Variants in KCNH1 observed in about 807,000 individuals in gnomAD.
The protein encoded by KCNH1 is potassium voltage-gated channel subfamily H member 1.
In KCNH1, 27 loss-of-function variants were observed where a neutral mutation model predicts 69.2. The observed-to-expected ratio is 0.39, with a 90% CI of 0.29 to 0.54. The LOEUF is 0.54. Ranked by LOEUF, KCNH1 falls within the 20% of genes least tolerant of loss-of-function variation. The pLI, the probability that KCNH1 is intolerant of heterozygous loss-of-function variation, is 0.68. For missense variants in KCNH1, 798 were observed against 1,261.6 expected (o/e 0.63, Z 5.57); for synonymous variants, 456 against 487.7 (o/e 0.93, Z 0.86).
intron 3 of KCNH1, among the ~76,000 whole-genome samples, chr1:211,093,459 T>C (rs1691091469): frequency 6.6e-6 from 1 of 152,142 alleles, no homozygotes. Context: ...CTAATTTTTG[T>C]ATTTTTGGTA....
chr1:211,082,553 G>A (rs1690877172), intron 5 of KCNH1, among the ~76,000 whole-genome samples: 1 of 152,184 alleles, frequency 6.6e-6, no homozygotes. Flanking sequence ...CAAGCAAGCT[G>A]AAACAGAGCT....
intron 6 of KCNH1, among the ~76,000 whole-genome samples, chr1:210,998,418 T>C (rs7543773): frequency 0.92 from 140,511 of 152,254 alleles, 65,037 homozygotes; most frequent in East Asian, 1. Context: ...ACAAAGAAGG[T>C]CATTACATAA....
chr1:210,826,982 A>C (rs2102433734), intron 7 of KCNH1, among the ~76,000 whole-genome samples: 1 of 152,332 alleles, frequency 6.6e-6, no homozygotes, highest in South Asian at 2.1e-4. Flanking sequence ...AGTTTCTTAA[A>C]CCTGGACTGA....
chr1:210,935,975 C>T (rs1048790575), intron 6 of KCNH1, among the ~76,000 whole-genome samples: 1 of 152,196 alleles, frequency 6.6e-6, no homozygotes, highest in African/African-American at 2.4e-5. Context: ...TTGGGCTTTA[C>T]ATTGTCTTCT....
Position 211,018,872 on chromosome 1 carries a change from C to T in KCNH1, c.943G>A (p.Val315Met), listed in dbSNP as rs769601481. 1.4e-5 allele frequency: 22 copies of T among 1,613,960 alleles called. No individual in the cohort carries two copies. The highest frequency in any genetic ancestry group is 2.7e-5 in the African/African-American group (2 of 74,904). ...PYDVINAFEN[V>M]DEVSAFMGDP... is the part of the protein sequence containing the mutation. Reference sequence around the variant, plus strand: ...CCCATAAAGGCACTAACCTCATCCACGTTCTCAAAAGCGTTGATGACATCA... The same window carrying T: ...CCCATAAAGGCACTAACCTCATCCATGTTCTCAAAAGCGTTGATGACATCA... Residue 315 changes from valine to methionine, a missense_variant, in exon 6 of 11, where the codon GTG becomes ATG. Physicochemically the swap from Val to Met is conservative, Grantham distance 21 (BLOSUM62 1). Transcript: ENST00000271751.
At chr1:210,854,958 G>C (rs1227734838) in intron 7 of KCNH1, among the ~76,000 whole-genome samples, 2 of 152,194 alleles carry the variant, frequency 1.3e-5, no homozygotes, top group African/African-American at 4.8e-5. Context: ...TCAGACAATA[G>C]AGGTTTAGCT....
At chr1:210,820,665 C>A (rs762131680) in intron 7 of KCNH1, among the ~76,000 whole-genome samples, 2 of 151,966 alleles carry the variant, frequency 1.3e-5, no homozygotes. Flanking sequence ...AGGAACTTTG[C>A]GGATTGATTA....
At chr1:211,039,419 C>T (rs992722317) in intron 5 of KCNH1, among the ~76,000 whole-genome samples, 2 of 152,166 alleles carry the variant, frequency 1.3e-5, no homozygotes, top group African/African-American at 4.8e-5. Flanking sequence ...TACTGGGGCA[C>T]TGCCTAGTGG....
intron 5 of KCNH1, among the ~76,000 whole-genome samples, chr1:211,040,008 T>C (rs974892656): frequency 6.6e-6 from 1 of 151,976 alleles, no homozygotes; most frequent in African/African-American, 2.4e-5. Context: ...GCTAACACAG[T>C]GAAACCCCGT....
rs1682016816 is a variant in KCNH1 at position 210,709,733 on chromosome 1, A to C, written c.2113-25595T>G. Among the ~76,000 whole-genome samples the C allele has an allele frequency of 4.6e-5, 6 of 130,212 alleles. No individual in the cohort carries two copies. The Admixed American group carries it at 4.7e-4, about 10-fold the overall frequency. The allele number at this position is 130,212 out of a possible 152,430, so 85.4% of individuals were successfully genotyped here. ...AGAAAGAAAGAAAGAAGAGAGAGAG[A>C]GAGAGAGAAAGAGAGAGAGAGAGAG... is the stretch of plus-strand genomic sequence containing the variant. On this transcript the variant is annotated intron_variant, in intron 10 of 10. Transcript: ENST00000271751.
intron 7 of KCNH1, among the ~76,000 whole-genome samples, chr1:210,897,453 C>T (rs562095064): frequency 4.6e-5 from 7 of 152,278 alleles, no homozygotes; most frequent in Non-Finnish European, 7.3e-5. Context: ...ACTGCCTTCA[C>T]CTCAAACATC....
rs1010914087 is a variant in KCNH1 at position 210,681,749 on chromosome 1, C to T, written c.*1532G>A. Reference sequence around the variant, plus strand: ...CTCCCTGGATAAGTCCATGCTGTCACCTGTACTCCTAATTCCATTCCCTCC... The same window carrying T: ...CTCCCTGGATAAGTCCATGCTGTCATCTGTACTCCTAATTCCATTCCCTCC... On this transcript the variant is annotated 3_prime_UTR_variant, in exon 11 of 11. Coordinates refer to ENST00000271751, the MANE Select transcript of KCNH1 (RefSeq NM_172362.3). 6 of 152,254 alleles carry T rather than the reference C, an allele frequency of 3.9e-5. No homozygotes were observed. The highest frequency in any genetic ancestry group is 5.9e-5 in the Non-Finnish European group (4 of 68,080). The allele number at this position is 152,254 out of a possible 1,614,324, so 9.4% of individuals were successfully genotyped here.
chr1:210,713,606 C>T (rs1682132936), intron 10 of KCNH1, among the ~76,000 whole-genome samples: 1 of 152,110 alleles, frequency 6.6e-6, no homozygotes, highest in African/African-American at 2.4e-5. Flanking sequence ...ATAGAGGTGT[C>T]AGGGGTTAGG....
chr1:210,843,375 T>G (rs1315190510), intron 7 of KCNH1, among the ~76,000 whole-genome samples: 5 of 152,172 alleles, frequency 3.3e-5, no homozygotes, highest in Non-Finnish European at 5.9e-5. Flanking sequence ...ATTAAGAAAC[T>G]AACCACTAAT....
intron 10 of KCNH1, among the ~76,000 whole-genome samples, chr1:210,753,839 C>A (rs2102341040): frequency 6.6e-6 from 1 of 152,124 alleles, no homozygotes; most frequent in South Asian, 2.1e-4. Context: ...TGCAAACATA[C>A]ACAAAGAACA....
chr1:210,695,163 G>A (rs143895435), intron 10 of KCNH1, among the ~76,000 whole-genome samples: 158 of 152,326 alleles, frequency 1.0e-3, no homozygotes, highest in Middle Eastern at 3.4e-3. Context: ...AGGCCATGAC[G>A]CCACTCTCCT....
intron 7 of KCNH1, among the ~76,000 whole-genome samples, chr1:210,824,744 T>C (rs565939567): frequency 6.6e-6 from 1 of 152,330 alleles, no homozygotes; most frequent in African/African-American, 2.4e-5. Context: ...GATAATACCT[T>C]ACAGTTTAGT....
chr1:211,058,219 T>C (rs1690350818), intron 5 of KCNH1, among the ~76,000 whole-genome samples: 1 of 151,322 alleles, frequency 6.6e-6, no homozygotes, highest in Non-Finnish European at 1.5e-5. Context: ...CTAAAGAGAG[T>C]CCTTCAGTCT....
chr1:211,042,654 C>G (rs1451550243), intron 5 of KCNH1, among the ~76,000 whole-genome samples: 1 of 152,158 alleles, frequency 6.6e-6, no homozygotes, highest in African/African-American at 2.4e-5. Context: ...TACCCAACAA[C>G]CACAGAATTT....
Sources: allele counts gnomAD v4.1 joint callset (sites outside exome capture counted in the v4.1 genomes callset), GRCh38; gene constraint gnomAD v4.1.1; transcripts MANE v1.5; gene names NCBI Gene and HGNC (gene_info 2026-07-23, HGNC 2026-07-21).